Variants in JAK1 observed in about 807,000 individuals in gnomAD.
JAK1 encodes Janus kinase 1.
In JAK1, 16 loss-of-function variants were observed where a neutral mutation model predicts 136.6. The observed-to-expected ratio is 0.12, with a 90% CI of 0.08 to 0.18. The LOEUF is 0.18. Ranked by LOEUF, JAK1 falls within the 10% of genes least tolerant of loss-of-function variation. The probability of loss-of-function intolerance (pLI) is 1.00; values close to 1 mark genes in which losing one functional copy is unlikely to be tolerated. For synonymous variants in JAK1, 492 were observed against 519.5 expected, an observed-to-expected ratio of 0.95 and a Z score of 0.72; for missense variants, 859 against 1,450.1, an observed-to-expected ratio of 0.59 and a Z score of 6.62.
At chr1:64,870,388 G>A (rs1417970705) in intron 5 of JAK1, among the ~76,000 whole-genome samples, 5 of 152,142 alleles carry the variant, frequency 3.3e-5, no homozygotes, top group Admixed American at 2.0e-4. Context: ...ACTAAACCAC[G>A]TTCCTGATCT....
At chr1:64,901,283 A>C (rs1434086406) in intron 1 of JAK1, among the ~76,000 whole-genome samples, 1 of 152,234 alleles carries the variant, frequency 6.6e-6, no homozygotes, top group Non-Finnish European at 1.5e-5. Context: ...ACCATAGACC[A>C]AGTGCATTTA....
upstream of JAK1, among the ~76,000 whole-genome samples, chr1:64,966,836 C>T (rs972545368): frequency 6.6e-6 from 1 of 151,940 alleles, no homozygotes. Flanking sequence ...CCAGGATTCG[C>T]CCGTAGATTG....
chr1:65,065,527 T>C (rs1647999769), intron 1 of JAK1, among the ~76,000 whole-genome samples: 2 of 151,906 alleles, frequency 1.3e-5, no homozygotes, highest in African/African-American at 4.8e-5. Context: ...GGTCGACTGG[T>C]AAGCAGAATA....
At position 64,940,908 on chromosome 1, in the gene JAK1, T is replaced by C. The variant is rs535159890; in HGVS notation, c.-78+25425A>G. Among the ~76,000 whole-genome samples, 183 of 152,322 alleles carry C rather than the reference T, an allele frequency of 1.2e-3. 1 individual carries two copies. The highest frequency in any genetic ancestry group is 6.8e-3 in the Middle Eastern group (2 of 294). ...AGGCGCAGTCAGTCACTCACGCTTG[T>C]AATCTCAGCATTTTGGGAGGCTGAG... is the stretch of plus-strand genomic sequence containing the variant. On this transcript the variant is annotated intron_variant, in intron 1 of 24. Transcript: ENST00000342505.
At chr1:64,971,857 C>A (rs1450021040) in intron 2 of JAK1, among the ~76,000 whole-genome samples, 1 of 152,178 alleles carries the variant, frequency 6.6e-6, no homozygotes, top group Non-Finnish European at 1.5e-5. Flanking sequence ...CCGTGCTCGG[C>A]CTTATCTATC....
chr1:64,897,580 G>A (rs1157895675), intron 1 of JAK1, among the ~76,000 whole-genome samples: 1 of 114,174 alleles, frequency 8.8e-6, no homozygotes, highest in Non-Finnish European at 1.8e-5. Context: ...AGGAGGAGGA[G>A]GAGGAGGAGG....
chr1:64,863,149 C>T (rs192378734), intron 8 of JAK1, among the ~76,000 whole-genome samples: 4 of 149,652 alleles, frequency 2.7e-5, no homozygotes, highest in Non-Finnish European at 4.4e-5. Context: ...GCATATAACA[C>T]GGGGCCTAAT....
intron 10 of JAK1, among the ~76,000 whole-genome samples, chr1:64,857,402 T>C (rs1427635815): frequency 3.3e-5 from 5 of 152,204 alleles, no homozygotes; most frequent in South Asian, 2.1e-4. Context: ...TCCAGAGCCA[T>C]GGTGGACCCC....
chr1:64,980,299 C>G (rs556485921), intron 2 of JAK1, among the ~76,000 whole-genome samples: 1 of 152,274 alleles, frequency 6.6e-6, no homozygotes, highest in Non-Finnish European at 1.5e-5. Flanking sequence ...TCATTCTACT[C>G]TGTTTTGCAC....
At chr1:65,024,265 C>A (rs537099582) in intron 2 of JAK1, among the ~76,000 whole-genome samples, 1 of 152,238 alleles carries the variant, frequency 6.6e-6, no homozygotes, top group South Asian at 2.1e-4. Context: ...CTTGCCAACA[C>A]TTGTTGTTCA....
Position 65,056,933 on chromosome 1 carries a change from A to G in JAK1, c.-181+10671T>C, listed in dbSNP as rs1275918643. ...CTGAGACTCTTTCTTTAAAAAAAAA[A>G]AAAAAAAAAAAAGTCACAAATGGTT... On this transcript the variant is annotated intron_variant, in intron 1 of 25. Transcript: ENST00000671954. 1.8e-3 allele frequency among the ~76,000 whole-genome samples: 265 copies of G among 149,610 alleles called. 2 individuals are homozygous for G. Among genetic ancestry groups the G allele is most frequent in the African/African-American group, 5.9e-3 (233 of 39,808 alleles).
At chr1:64,886,632 T>C (rs1170579481) in intron 1 of JAK1, among the ~76,000 whole-genome samples, 3 of 152,122 alleles carry the variant, frequency 2.0e-5, no homozygotes, top group Middle Eastern at 6.8e-3. Flanking sequence ...TAAATGAAGA[T>C]TGTGTGCTTT....
rs2101268076 is a variant in JAK1, at chr1:64,883,460, C to G, written c.22G>C (p.Glu8Gln). The G allele has an allele frequency of 6.2e-7, 1 of 1,613,874 alleles. No homozygotes were observed. The highest frequency in any genetic ancestry group is 8.5e-7 in the Non-Finnish European group (1 of 1,179,822). MQYLNIK[E>Q]DCNAMAFCAK... ...CAGAAAGCCATGGCATTGCAGTCCT[C>G]TTTTATATTTAGATACTGTTGTGGA... Residue 8 changes from glutamate to glutamine, a missense_variant, in exon 3 of 25, where the codon GAG becomes CAG. Around this residue, in one of 4 missense-constraint regions of JAK1, gnomAD observed 353 missense variants for 494.0 expected, o/e 0.71. Coordinates refer to ENST00000342505, the MANE Select transcript of JAK1 (RefSeq NM_002227.4).
chr1:64,857,906 G>C, intron 9 of JAK1, 127 bp from the exon 10 acceptor site: 2 of 1,147,190 alleles, frequency 1.7e-6, no homozygotes, highest in Non-Finnish European at 2.5e-6. Flanking sequence ...CCCTGCCTGG[G>C]ATCCTAAAGT....
chr1:64,869,532 G>T lies in JAK1; in HGVS notation c.484-58C>A, dbSNP rs1656943193. The T allele has an allele frequency of 1.4e-5, 20 of 1,469,260 alleles. No individual in the cohort carries two copies. In the South Asian group the frequency reaches 2.2e-4, roughly 16 times the overall value. 91.0% of individuals were successfully genotyped at this position (1,469,260 alleles called of 1,614,324 possible). ...ACCCGTTTTTGATCTTGACAAGAAG[G>T]CTACTACACAGGGAGGGGCCGCCTA... is the stretch of plus-strand genomic sequence containing the variant. On this transcript the variant is annotated intron_variant, in intron 5 of 24. Transcript: ENST00000342505.
At position 65,059,354 on chromosome 1, in the gene JAK1, T is replaced by C. The variant is rs1490590645; in HGVS notation, c.-181+8250A>G. Among the ~76,000 whole-genome samples the C allele has an allele frequency of 2.6e-5, 4 of 152,208 alleles. No individual in the cohort carries two copies. The East Asian group carries it at 7.7e-4, about 29-fold the overall frequency. Reference sequence around the variant, plus strand: ...TTACTTTTTGTTTTAGTTTTCTCAGTAACTGAGATCATGAAGCAGAAGCTA... The same window carrying C: ...TTACTTTTTGTTTTAGTTTTCTCAGCAACTGAGATCATGAAGCAGAAGCTA... On this transcript the variant is annotated intron_variant, in intron 1 of 25. Transcript: ENST00000671954.
At chr1:64,843,746 C>T (rs912423480) in intron 17 of JAK1, among the ~76,000 whole-genome samples, 2 of 152,140 alleles carry the variant, frequency 1.3e-5, no homozygotes, top group Non-Finnish European at 2.9e-5. Context: ...TGCTGAATAA[C>T]AGGCACTTAA....
chr1:64,852,054 G>A (rs546439345), intron 11 of JAK1, among the ~76,000 whole-genome samples: 18 of 152,302 alleles, frequency 1.2e-4, no homozygotes, highest in South Asian at 1.0e-3. Flanking sequence ...ACAGGGCCAC[G>A]TCTCTAATCC....
In JAK1 at chr1:64,841,481, T is replaced by C; in HGVS notation, c.2524A>G (p.Met842Val). The C allele has an allele frequency of 6.2e-7, 1 of 1,614,200 alleles. No individual in the cohort carries two copies. Among genetic ancestry groups the C allele is most frequent in the Non-Finnish European group, 8.5e-7 (1 of 1,180,024 alleles). The change falls in exon 18 of 25, where the codon ATG becomes GTG. Residue 842 changes from methionine to valine, a missense_variant. By Grantham distance (21) the Met-to-Val change is conservative. Around this residue, in one of 4 missense-constraint regions of JAK1, gnomAD observed 409 missense variants for 753.8 expected, o/e 0.54. Transcript: ENST00000342505. The part of the protein sequence containing the change: ...PNQRPFFRAI[M>V]RDINKLEEQN... ...TCTTCAAGCTTATTAATGTCTCTCA[T>C]GATGGCTCGGAAGAAAGGCCTCTGA... is the stretch of plus-strand genomic sequence containing the variant.
Sources: gnomAD v4.1 joint callset for allele counts (sites outside exome capture counted in the v4.1 genomes callset) on GRCh38, gnomAD v4.1.1 for gene constraint, gnomAD v4.1.1 regional missense constraint, MANE v1.5 for transcripts, NCBI Gene and HGNC (gene_info 2026-07-23, HGNC 2026-07-21) for gene names.